The following PCSK1 variants were observed in gnomAD, a reference collection of about 807,000 sequenced individuals.
PCSK1 encodes the protein neuroendocrine convertase 1.
PCSK1 carries 56 observed loss-of-function variants against 90.6 expected under a neutral mutation model. The observed-to-expected ratio is 0.62, with a 90% confidence interval of 0.50 to 0.77. PCSK1 has a LOEUF of 0.77. PCSK1 is among the 30% of genes least tolerant of loss of function. PCSK1 has a pLI of 0.00. For missense variants in PCSK1, 801 were observed against 932.6 expected (o/e 0.86, Z 1.84); for synonymous variants, 348 against 342.4 (o/e 1.02, Z -0.18).
chr5:96,411,148 A>C (rs1760741307), intron 7 of PCSK1, among the ~76,000 whole-genome samples, 162 bp from the exon 8 acceptor site: 1 of 152,222 alleles, frequency 6.6e-6, no homozygotes, highest in Non-Finnish European at 1.5e-5. Context: ...TGGAAATCTC[A>C]CAAGGCTGTG....
At chr5:96,412,923 G>T in intron 6 of PCSK1, 3 of 504,682 alleles carry the variant, frequency 5.9e-6, no homozygotes, top group Non-Finnish European at 7.5e-6. Flanking sequence ...TGACAGACCA[G>T]CTTTCAGAAA....
At chr5:96,408,055 T>C (rs907967882) in intron 9 of PCSK1, among the ~76,000 whole-genome samples, 168 bp downstream of exon 9, 1 of 152,236 alleles carries the variant, frequency 6.6e-6, no homozygotes, top group Non-Finnish European at 1.5e-5. Context: ...TAAATCTACA[T>C]TGAGATGTTA....
Position 96,398,942 on chromosome 5 carries a change from A to G in PCSK1, c.1525T>C (p.Phe509Leu). Residue 509 changes from phenylalanine (F) to leucine (L), a missense_variant, in exon 11 of 14, where the codon TTT becomes CTT. Physicochemically the swap from Phe to Leu is conservative, Grantham distance 22. Transcript: ENST00000311106. Reference sequence around the variant, plus strand: ...CGGGAATATTCAATTGTTGCTTCAAATTGTACATGCTCCAGGGACTTGATA... The same window carrying G: ...CGGGAATATTCAATTGTTGCTTCAAGTTGTACATGCTCCAGGGACTTGATA... ...NAIKSLEHVQ[F>L]EATIEYSRRG... 2 of 1,613,168 alleles carry G rather than the reference A, an allele frequency of 1.2e-6. No individual in the cohort carries two copies. The highest frequency in any genetic ancestry group is 1.7e-4 in the Middle Eastern group (1 of 6,058).
chr5:96,420,392 C>T (rs1761085601), intron 5 of PCSK1, among the ~76,000 whole-genome samples: 1 of 152,326 alleles, frequency 6.6e-6, no homozygotes, highest in East Asian at 1.9e-4. Flanking sequence ...CTGCTGTAAG[C>T]TCTCGAAACA....
In PCSK1 at chr5:96,410,786, G is replaced by T. The variant is rs1288453060; in HGVS notation, c.1083C>A (p.Thr361=). 1 of 1,613,018 alleles carries T rather than the reference G, an allele frequency of 6.2e-7. No individual in the cohort carries two copies. Among genetic ancestry groups the T allele is most frequent in the South Asian group, 1.1e-5 (1 of 91,040 alleles). The change falls in exon 8 of 14, where the codon ACC becomes ACA. Residue 361 remains threonine (T), a synonymous_variant. Coordinates refer to ENST00000311106, the MANE Select transcript of PCSK1 (RefSeq NM_000439.5). ...AAAAGCAACATACGATTCTCTGGTC[G>T]GTGTAATCTCCGCTGCTGTAAGAGG... ...LATSYSSGDY[T]DQRITSADLH...
chr5:96,403,677 A>T (rs1180630885), intron 9 of PCSK1, among the ~76,000 whole-genome samples: 1 of 152,246 alleles, frequency 6.6e-6, no homozygotes, highest in East Asian at 1.9e-4. Context: ...TAATTAGAAG[A>T]GATGTAGGTA....
At chr5:96,412,764 T>TTGTTTTTTGTTTTTTG (rs1221205423) in intron 6 of PCSK1, among the ~76,000 whole-genome samples, 1 of 145,590 alleles carries the variant, frequency 6.9e-6, no homozygotes, top group African/African-American at 2.7e-5. Context: ...TTTTTTTTTT[T>TTGTTTTTTGTTTTTTG]TTTTTTTTTT....
intron 3 of PCSK1, among the ~76,000 whole-genome samples, chr5:96,425,008 A>AAAAGAAAGAAAGAAAGAAAG (rs200406743): frequency 1.0e-4 from 12 of 117,518 alleles, no homozygotes; most frequent in East Asian, 7.8e-4. Context: ...AGAAAGAAAG[A>AAAAGAAAGAAAGAAAGAAAG]AAAGAAAGAA....
intron 5 of PCSK1, among the ~76,000 whole-genome samples, chr5:96,420,179 A>G (rs921394019): frequency 6.6e-6 from 1 of 152,210 alleles, no homozygotes; most frequent in African/African-American, 2.4e-5. Flanking sequence ...AAACATAGGG[A>G]GAAGGTACGT....
rs77423250 is a variant in PCSK1 at position 96,418,051 on chromosome 5, C to T, written c.621-1930G>A. On this transcript the variant is annotated intron_variant, in intron 5 of 13. Coordinates refer to ENST00000311106, the MANE Select transcript of PCSK1 (RefSeq NM_000439.5). ...ACATCCCCAGGTTTGTGCCTTTGTC[C>T]TAAAAAATGATGCAGTGTGACAGCA... Among the ~76,000 whole-genome samples the T allele has an allele frequency of 9.7e-3, 1,484 of 152,266 alleles. 30 individuals are homozygous for T. Among genetic ancestry groups the T allele is most frequent in the African/African-American group, 0.034 (1,429 of 41,540 alleles).
chr5:96,432,269 C>A (rs1761530980), intron 1 of PCSK1: 1 of 725,440 alleles, frequency 1.4e-6, no homozygotes, highest in Non-Finnish European at 2.3e-6. Flanking sequence ...ATTTCTCCCC[C>A]CAGCTTCCCA....
At position 96,429,315 on chromosome 5, in the gene PCSK1, A is replaced by C; in HGVS notation, c.183T>G (p.Ile61Met). The change falls in exon 2 of 14, where the codon ATT (isoleucine) becomes ATG (methionine). Residue 61 changes from isoleucine (I) to methionine (M), a missense_variant and splice_region_variant. Coordinates refer to ENST00000311106, the MANE Select transcript of PCSK1 (RefSeq NM_000439.5). ...ATAAGTAGTGATTTTCAAGTGAACCAATCTATAAAAGGAAAGAAATAAAAT... is the reference window on the plus strand; with the variant it reads ...ATAAGTAGTGATTTTCAAGTGAACCCATCTATAAAAGGAAAGAAATAAAAT... ...EELGYDLLGQ[I>M]GSLENHYLFK... The C allele has an allele frequency of 6.6e-7, 1 of 1,517,512 alleles. No homozygotes were observed. The highest frequency in any genetic ancestry group is 9.2e-7 in the Non-Finnish European group (1 of 1,092,256). 94.0% of individuals were successfully genotyped at this position (1,517,512 alleles called of 1,614,324 possible). A position where few individuals can be genotyped will look rare whatever the true frequency, so the allele number is the denominator to read the frequency against.
In PCSK1 at chr5:96,416,200, A is replaced by T; in HGVS notation, c.621-79T>A. On this transcript the variant is annotated intron_variant, in intron 5 of 13. Coordinates refer to ENST00000311106, the MANE Select transcript of PCSK1 (RefSeq NM_000439.5). ...TTGCATATGAATGAATTAATGGGGC[A>T]TAGGTATATTAACTTTTTGTCGGCC... The T allele has an allele frequency of 7.3e-6, 7 of 954,012 alleles. No individual in the cohort carries two copies. In the Admixed American group the frequency reaches 1.2e-4, roughly 16 times the overall value. 59.1% of individuals were successfully genotyped at this position (954,012 alleles called of 1,614,324 possible).
At chr5:96,418,809 G>A (rs1761017196) in intron 5 of PCSK1, among the ~76,000 whole-genome samples, 1 of 152,170 alleles carries the variant, frequency 6.6e-6, no homozygotes, top group African/African-American at 2.4e-5. Flanking sequence ...AGGATCCTGA[G>A]AGAGAGTTGC....
chr5:96,390,999 A>G lies in PCSK1; in HGVS notation c.*2002T>C, dbSNP rs1319819338. On this transcript the variant is annotated 3_prime_UTR_variant, in exon 14 of 14. Transcript: ENST00000311106. ...GCACTAGATTGGGAATGGAAAAGTA[A>G]TGAGTTTTCATTCTAACTCTTTATT... The G allele has an allele frequency of 1.3e-5, 2 of 152,660 alleles. No individual in the cohort carries two copies. Among genetic ancestry groups the G allele is most frequent in the Non-Finnish European group, 2.9e-5 (2 of 68,048 alleles). 9.5% of individuals were successfully genotyped at this position (152,660 alleles called of 1,614,324 possible).
rs193015519 is a variant in PCSK1, at chr5:96,393,344, G to T, written c.1919C>A (p.Thr640Asn). The change falls in exon 14 of 14, where the codon ACC becomes AAC. Residue 640 changes from threonine (T) to asparagine (N), a missense_variant. Thr to Asn is a moderately conservative substitution (Grantham distance 65). Coordinates refer to ENST00000311106, the MANE Select transcript of PCSK1 (RefSeq NM_000439.5). ...QPTQENPKEN[T>N]LVSKSPSSSS... ...GCTGCTGGGGCTTTTGGACACCAGG[G>T]TGTTCTCCTTAGGGTTCTCTTGTGT... 3 of 1,613,966 alleles carry T rather than the reference G, an allele frequency of 1.9e-6. No homozygotes were observed. In the African/African-American group the frequency reaches 4.0e-5, roughly 22 times the overall value.
rs1044737470 is a variant in PCSK1, at chr5:96,412,463, G to A, written c.737C>T (p.Thr246Met). Residue 246 changes from threonine (T) to methionine (M), a missense_variant, in exon 7 of 14, where the codon ACG becomes ATG. Thr to Met is a moderately conservative substitution (Grantham distance 81). Coordinates refer to ENST00000311106, the MANE Select transcript of PCSK1 (RefSeq NM_000439.5). ...GGIRMLDGIV[T>M]DAIEASSIGF... is the part of the protein sequence containing the mutation. ...AATTGAACTGGCCTCAATAGCATCC[G>A]TCACAATGCCATCCAGCATTCTTAT... The A allele has an allele frequency of 1.1e-5, 18 of 1,613,816 alleles. No homozygotes were observed. The highest frequency in any genetic ancestry group is 1.7e-5 in the Admixed American group (1 of 59,996).
intron 6 of PCSK1, among the ~76,000 whole-genome samples, chr5:96,413,564 C>T (rs1053219976): frequency 1.3e-5 from 2 of 152,104 alleles, no homozygotes; most frequent in Admixed American, 6.6e-5. Flanking sequence ...CTTTGGGAGG[C>T]CGAGGTGGGT....
intron 9 of PCSK1, among the ~76,000 whole-genome samples, chr5:96,401,373 C>T (rs1391739382): frequency 1.3e-5 from 2 of 152,118 alleles, no homozygotes; most frequent in African/African-American, 4.8e-5. Flanking sequence ...AGATGACAGC[C>T]TGGTTTGCTG....
Sources: allele counts gnomAD v4.1 joint callset (sites outside exome capture counted in the v4.1 genomes callset), GRCh38; gene constraint gnomAD v4.1.1; transcripts MANE v1.5; gene names NCBI Gene and HGNC (gene_info 2026-07-23, HGNC 2026-07-21).